The following PIK3C2B variants were observed in gnomAD, a reference collection of about 807,000 sequenced individuals.
PIK3C2B encodes the protein phosphatidylinositol 4-phosphate 3-kinase C2 domain-containing subunit beta.
A neutral mutation model predicts 184.3 loss-of-function variants in PIK3C2B; 83 were observed. The observed-to-expected ratio is 0.45, with a 90% CI of 0.38 to 0.54. PIK3C2B has a LOEUF of 0.54. Among genes scored for constraint, PIK3C2B ranks in the 20% least tolerant of loss-of-function variants. The pLI, the probability that PIK3C2B is intolerant of heterozygous loss-of-function variation, is 0.00. For synonymous variants in PIK3C2B, 779 were observed against 837.6 expected, an observed-to-expected ratio of 0.93 and a Z score of 1.21; for missense variants, 1,736 against 2,113.5, an observed-to-expected ratio of 0.82 and a Z score of 3.50.
chr1:204,446,265 G>C (rs113441395), intron 15 of PIK3C2B, 121 bp from the exon 16 acceptor site: 1 of 571,554 alleles, frequency 1.7e-6, no homozygotes, highest in Middle Eastern at 4.9e-4. Flanking sequence ...GCAATTCAGC[G>C]GTTCCCAAGC....
rs201149840 is a variant in PIK3C2B at position 204,457,001 on chromosome 1, G to A, written c.1747+36C>T. On this transcript the variant is annotated intron_variant, in intron 10 of 32. Coordinates refer to ENST00000684373, the MANE Select transcript of PIK3C2B (RefSeq NM_001377334.1). Reference sequence around the variant, plus strand: ...GGGGCAGAGACTGCAGTTTTCGGCAGCCCGACTGGATGAAGATGGAGAGCA... The same window carrying A: ...GGGGCAGAGACTGCAGTTTTCGGCAACCCGACTGGATGAAGATGGAGAGCA... 1,727 of 1,552,726 alleles carry A rather than the reference G, an allele frequency of 1.1e-3. 2 individuals carry two copies. Among genetic ancestry groups the A allele is most frequent in the Non-Finnish European group, 1.3e-3 (1,448 of 1,145,652 alleles).
chr1:204,476,023 G>A (rs1469928523), intron 1 of PIK3C2B, among the ~76,000 whole-genome samples: 1 of 152,116 alleles, frequency 6.6e-6, no homozygotes, highest in African/African-American at 2.4e-5. Context: ...GACCAAGAAG[G>A]CCACCCCCAA....
intron 11 of PIK3C2B, among the ~76,000 whole-genome samples, chr1:204,455,277 A>G (rs558829801): frequency 1.7e-4 from 25 of 151,458 alleles, no homozygotes; most frequent in Non-Finnish European, 3.4e-4. Flanking sequence ...TTCTCTGCCA[A>G]TCGCCCAGAG....
At chr1:204,437,497 AAAC>A (rs112930300) in intron 23 of PIK3C2B, among the ~76,000 whole-genome samples, 2 of 150,608 alleles carry the variant, frequency 1.3e-5, no homozygotes, top group Admixed American at 1.3e-4. Context: ...CTCTGTCTCA[AAAC>A]AACAACAACA....
Position 204,444,175 on chromosome 1 carries a change from A to G in PIK3C2B, c.2773-13T>C, listed in dbSNP as rs1406341090. On this transcript the variant is annotated splice_polypyrimidine_tract_variant and intron_variant, in intron 17 of 32. Coordinates refer to ENST00000684373, the MANE Select transcript of PIK3C2B (RefSeq NM_001377334.1). The stretch of plus-strand genomic sequence containing the variant: ...CATACTTCAGGGCCTGTTTCGGAGA[A>G]AGGGAGAAAGAGAATATGAAGCTTC... 1.9e-6 allele frequency: 3 copies of G among 1,578,800 alleles called. No individual in the cohort carries two copies. The highest frequency in any genetic ancestry group is 2.6e-6 in the Non-Finnish European group (3 of 1,147,562).
At position 204,428,284 on chromosome 1, in the gene PIK3C2B, G is replaced by C. The variant is rs1204852238; in HGVS notation, c.4399-64C>G. 9 of 989,148 alleles carry C rather than the reference G, an allele frequency of 9.1e-6. No homozygotes were observed. In the Admixed American group the frequency reaches 1.7e-4, roughly 19 times the overall value. 61.3% of individuals were successfully genotyped at this position (989,148 alleles called of 1,614,324 possible). On this transcript the variant is annotated intron_variant, in intron 29 of 32. Transcript: ENST00000684373. ...ACAATGGCCCAATACAAAAAGGAAG[G>C]GGACTGTTCCAGATGTAAAAAGACT...
In PIK3C2B at chr1:204,433,547, C is replaced by T; in HGVS notation, c.3844-122G>A. Reference sequence around the variant, plus strand: ...CCTAACCCTTCTAGAGGGTGGTAGACAGATGCTGTGGGCAGTGGCTGGAGG... The same window carrying T: ...CCTAACCCTTCTAGAGGGTGGTAGATAGATGCTGTGGGCAGTGGCTGGAGG... On this transcript the variant is annotated intron_variant, in intron 25 of 32. Coordinates refer to ENST00000684373, the MANE Select transcript of PIK3C2B (RefSeq NM_001377334.1). The surrounding 1 kb of genome is among the most constrained non-coding windows in gnomAD (Gnocchi z 5.0). The T allele has an allele frequency of 1.4e-6, 1 of 739,410 alleles. No individual in the cohort carries two copies. Among genetic ancestry groups the T allele is most frequent in the Non-Finnish European group, 2.3e-6 (1 of 437,008 alleles). 45.8% of individuals were successfully genotyped at this position (739,410 alleles called of 1,614,324 possible).
chr1:204,446,851 G>A (rs962683355), intron 15 of PIK3C2B, among the ~76,000 whole-genome samples: 3 of 152,120 alleles, frequency 2.0e-5, no homozygotes, highest in Admixed American at 6.5e-5. Context: ...ACAGGGCTGC[G>A]CAGGAGCCAG....
At chr1:204,452,155 G>A (rs1446883917) in intron 12 of PIK3C2B, among the ~76,000 whole-genome samples, 2 of 152,172 alleles carry the variant, frequency 1.3e-5, no homozygotes, top group Non-Finnish European at 2.9e-5. Flanking sequence ...AAAATTCAAG[G>A]TGGGGATCTC....
rs1199673819 is a variant in PIK3C2B at position 204,447,458 on chromosome 1, T to C, written c.2467A>G (p.Met823Val). The change falls in exon 15 of 33, where the codon ATG becomes GTG. Residue 823 changes from methionine to valine, a missense_variant. Coordinates refer to ENST00000684373, the MANE Select transcript of PIK3C2B (RefSeq NM_001377334.1). This position sits in a 1 kb window ranked among gnomAD's most constrained non-coding sequence, Gnocchi z 4.1. ...CACCAGTACAAGGACTCTTTCTGCA[T>C]GATGTCTTTAAGCTTGCGCTGGTCT... Reference protein sequence around the residue: ...EEDQRKLKDIMQKESLYWLTD... With the variant: ...EEDQRKLKDIVQKESLYWLTD... 5.6e-6 allele frequency: 9 copies of C among 1,613,830 alleles called. No individual in the cohort carries two copies. Among genetic ancestry groups the C allele is most frequent in the Non-Finnish European group, 7.6e-6 (9 of 1,179,898 alleles).
chr1:204,462,674 A>C (rs765496398), intron 5 of PIK3C2B, among the ~76,000 whole-genome samples: 12 of 152,200 alleles, frequency 7.9e-5, no homozygotes, highest in Non-Finnish European at 1.8e-4. Context: ...GTTGTACCAT[A>C]CAGAACCCTG....
intron 7 of PIK3C2B, 98 bp downstream of exon 7, chr1:204,460,226 G>T: frequency 1.0e-6 from 1 of 988,210 alleles, no homozygotes; most frequent in Non-Finnish European, 1.6e-6. Context: ...ACACCTGCAA[G>T]AATCCCTTAG....
intron 16 of PIK3C2B, 59 bp from the exon 17 acceptor site, chr1:204,444,483 G>A (rs560072385): frequency 6.6e-4 from 835 of 1,266,002 alleles, no homozygotes; most frequent in Non-Finnish European, 8.6e-4. Flanking sequence ...ACAGCTGTGA[G>A]CCCAGCACCC....
chr1:204,480,643 T>C (rs992926559), intron 1 of PIK3C2B, among the ~76,000 whole-genome samples: 1 of 151,790 alleles, frequency 6.6e-6, no homozygotes, highest in East Asian at 1.9e-4. Context: ...TGACTGCCTG[T>C]AAGCCTGGGT....
At chr1:204,434,658 A>T (rs1204388331) in intron 23 of PIK3C2B, 50 bp from the exon 24 acceptor site, 3 of 1,525,984 alleles carry the variant, frequency 2.0e-6, no homozygotes, top group Admixed American at 1.8e-5. Context: ...GCTGGCTTGG[A>T]AGGACTCCAG....
chr1:204,475,609 G>A (rs575338371), intron 1 of PIK3C2B, among the ~76,000 whole-genome samples: 1 of 152,256 alleles, frequency 6.6e-6, no homozygotes, highest in Non-Finnish European at 1.5e-5. Context: ...GTAAGGCAGG[G>A]GCAAGGATGG....
At chr1:204,448,858 C>A (rs3106367) in intron 14 of PIK3C2B, among the ~76,000 whole-genome samples, 136,787 of 152,086 alleles carry the variant, frequency 0.9, 62,949 homozygotes, top group Non-Finnish European at 1. Context: ...CCAAGAGGAC[C>A]CAGGTCAGGT....
At chr1:204,453,339 T>C (rs773731176) in intron 12 of PIK3C2B, among the ~76,000 whole-genome samples, 1 of 152,230 alleles carries the variant, frequency 6.6e-6, no homozygotes, top group Non-Finnish European at 1.5e-5. Flanking sequence ...GTTTCCTTCC[T>C]GCTTTGCTTG....
At chr1:204,444,488 G>GGTGTGAGGGTGCTGGGCT in intron 16 of PIK3C2B, 64 bp from the exon 17 acceptor site, 3 of 1,181,054 alleles carry the variant, frequency 2.5e-6, no homozygotes, top group African/African-American at 1.5e-5. Flanking sequence ...TGTGAGCCCA[G>GGTGTGAGGGTGCTGGGCT]CACCCTCACA....
Sources: allele counts gnomAD v4.1 joint callset (sites outside exome capture counted in the v4.1 genomes callset), GRCh38; gene constraint gnomAD v4.1.1; non-coding constraint Gnocchi (gnomAD v3.1); transcripts MANE v1.5; gene names NCBI Gene and HGNC (gene_info 2026-07-23, HGNC 2026-07-21).